SLC30A7: variants seen among roughly 807,000 people sequenced by gnomAD.
SLC30A7 encodes zinc transporter 7.
In SLC30A7, 35 loss-of-function variants were observed where a neutral mutation model predicts 46.0. That is an observed-to-expected ratio of 0.76 (90% CI 0.58 to 1.01). SLC30A7 has a LOEUF of 1.01. SLC30A7 is among the 50% of genes least tolerant of loss of function. SLC30A7 has a pLI of 0.00. For synonymous variants in SLC30A7, 147 were observed against 157.8 expected, an observed-to-expected ratio of 0.93 and a Z score of 0.51; for missense variants, 464 against 451.1, an observed-to-expected ratio of 1.03 and a Z score of -0.26.
At chr1:100,919,251 G>A (rs375941022) in intron 7 of SLC30A7, among the ~76,000 whole-genome samples, 47 of 151,970 alleles carry the variant, frequency 3.1e-4, no homozygotes, top group African/African-American at 9.2e-4. Context: ...TGGGTGGGGC[G>A]GTAGGTTATT....
chr1:100,911,238 C>A, intron 4 of SLC30A7, 88 bp downstream of exon 4: 3 of 863,156 alleles, frequency 3.5e-6, no homozygotes, highest in Non-Finnish European at 5.3e-6. Context: ...TTTTTTTCAA[C>A]TATTATTAAA....
At chr1:100,993,639 C>T in the SLC30A7 span, among the ~76,000 whole-genome samples, 1 of 133,628 alleles carries the variant, frequency 7.5e-6, no homozygotes, top group Non-Finnish European at 1.6e-5. Context: ...GATTATTTTA[C>T]TGACTCTCAA....
intron 7 of SLC30A7, among the ~76,000 whole-genome samples, chr1:100,919,957 A>C (rs1227289616): frequency 6.6e-6 from 1 of 152,072 alleles, no homozygotes; most frequent in Admixed American, 6.5e-5. Context: ...ACATCTTCTA[A>C]GGCTTTTAAC....
At chr1:100,938,078 C>T (rs1242057290) in intron 8 of SLC30A7, among the ~76,000 whole-genome samples, 1 of 152,194 alleles carries the variant, frequency 6.6e-6, no homozygotes, top group Non-Finnish European at 1.5e-5. Flanking sequence ...GCTGTCTGTT[C>T]TATCCCAGTG....
intron 2 of SLC30A7, among the ~76,000 whole-genome samples, chr1:100,902,939 A>G (rs747036597): frequency 1.3e-5 from 2 of 152,212 alleles, no homozygotes; most frequent in African/African-American, 2.4e-5. Context: ...ACTAAATAAT[A>G]GTGAAATAGA....
At chr1:100,950,121 C>T (rs1221377642) in intron 8 of SLC30A7, among the ~76,000 whole-genome samples, 2 of 152,172 alleles carry the variant, frequency 1.3e-5, no homozygotes, top group Non-Finnish European at 2.9e-5. Flanking sequence ...TGCAGTGGTT[C>T]TTTAGTTTTA....
At position 100,980,738 on chromosome 1, in the gene SLC30A7, A is replaced by G. The variant is rs1027922185; in HGVS notation, c.*5881A>G. 4.6e-5 allele frequency: 7 copies of G among 151,742 alleles called. No individual in the cohort carries two copies. The highest frequency in any genetic ancestry group is 1.7e-4 in the African/African-American group (7 of 41,284). The allele number at this position is 151,742 out of a possible 1,614,324, so 9.4% of individuals were successfully genotyped here. A position where few individuals can be genotyped will look rare whatever the true frequency, so the allele number is the denominator to read the frequency against. On this transcript the variant is annotated 3_prime_UTR_variant, in exon 11 of 11. Transcript: ENST00000357650. ...CAGTGGAAGTATACAGATGTTATCCATTTTACAAATTGTTGGATCGGAATT... is the reference window on the plus strand; with the variant it reads ...CAGTGGAAGTATACAGATGTTATCCGTTTTACAAATTGTTGGATCGGAATT...
chr1:100,962,067 A>G (rs1207868867), intron 9 of SLC30A7, 149 bp downstream of exon 9: 2 of 483,310 alleles, frequency 4.1e-6, no homozygotes, highest in African/African-American at 4.0e-5. Context: ...TATACAAACC[A>G]GAATAAAATT....
chr1:100,949,613 C>T (rs1161785725), intron 8 of SLC30A7, among the ~76,000 whole-genome samples: 1 of 152,206 alleles, frequency 6.6e-6, no homozygotes, highest in Non-Finnish European at 1.5e-5. Context: ...ATGCCTTGCC[C>T]ACAGAGGTGG....
chr1:100,991,714 G>A, the SLC30A7 span, among the ~76,000 whole-genome samples: 1 of 148,538 alleles, frequency 6.7e-6, no homozygotes, highest in African/African-American at 2.5e-5. Context: ...GCTTGAGCCC[G>A]GGAGGCAGAG....
At chr1:100,973,807 ATATC>A (rs924886303) in intron 10 of SLC30A7, among the ~76,000 whole-genome samples, 14 of 152,284 alleles carry the variant, frequency 9.2e-5, no homozygotes, top group African/African-American at 3.1e-4. Flanking sequence ...GAAAATATAT[ATATC>A]TATAGGCAGG....
At chr1:100,945,917 A>G (rs1654609029) in intron 8 of SLC30A7, among the ~76,000 whole-genome samples, 1 of 152,156 alleles carries the variant, frequency 6.6e-6, no homozygotes, top group Non-Finnish European at 1.5e-5. Context: ...TCCTATCCAC[A>G]AGCATGAAAT....
intron 8 of SLC30A7, among the ~76,000 whole-genome samples, chr1:100,931,094 C>T (rs1033313968): frequency 6.6e-6 from 1 of 152,030 alleles, no homozygotes; most frequent in African/African-American, 2.4e-5. Flanking sequence ...TTTTATAATA[C>T]TGGAAAGAAC....
intron 8 of SLC30A7, among the ~76,000 whole-genome samples, chr1:100,945,395 T>C (rs1426117439): frequency 3.3e-5 from 5 of 152,240 alleles, no homozygotes; most frequent in Non-Finnish European, 2.9e-5. Flanking sequence ...GCCTAGGTTT[T>C]CTTCTAGGGG....
chr1:100,959,773 G>C (rs1655434548), intron 8 of SLC30A7, among the ~76,000 whole-genome samples: 1 of 152,166 alleles, frequency 6.6e-6, no homozygotes, highest in South Asian at 2.1e-4. Flanking sequence ...AAGTCACTAA[G>C]TCCTGAAACT....
chr1:100,961,749 G>C (rs1466410516), intron 8 of SLC30A7, 79 bp from the exon 9 acceptor site: 1 of 716,266 alleles, frequency 1.4e-6, no homozygotes, highest in African/African-American at 1.8e-5. Flanking sequence ...TCTACCGTAG[G>C]GAGGCATATT....
downstream of SLC30A7, among the ~76,000 whole-genome samples, chr1:100,984,590 G>A (rs1194140527): frequency 2.0e-5 from 3 of 152,134 alleles, no homozygotes; most frequent in South Asian, 4.1e-4. Context: ...TTTGAAAACC[G>A]AACTTACACT....
chr1:100,903,163 T>G (rs1428986133), intron 2 of SLC30A7, among the ~76,000 whole-genome samples: 1 of 152,126 alleles, frequency 6.6e-6, no homozygotes, highest in African/African-American at 2.4e-5. Context: ...AAATTGACTT[T>G]TAAATTTAGT....
chr1:100,994,507 A>C, the SLC30A7 span, among the ~76,000 whole-genome samples: 2 of 151,824 alleles, frequency 1.3e-5, no homozygotes, highest in African/African-American at 4.8e-5. Flanking sequence ...AAGAGCACTC[A>C]ACTAGAGGCA....
Sources: allele counts gnomAD v4.1 joint callset (sites outside exome capture counted in the v4.1 genomes callset), GRCh38; gene constraint gnomAD v4.1.1; transcripts MANE v1.5; gene names NCBI Gene and HGNC (gene_info 2026-07-23, HGNC 2026-07-21).